ZSWIM5: variants seen among roughly 807,000 people sequenced by gnomAD.
ZSWIM5 encodes the protein zinc finger SWIM domain-containing protein 5.
ZSWIM5 carries 55 observed loss-of-function variants against 119.6 expected under a neutral mutation model. The ratio of observed to expected loss-of-function variants is 0.46; its 90% CI spans 0.37 to 0.58. The LOEUF is 0.58. Among genes scored for constraint, ZSWIM5 ranks in the 20% least tolerant of loss-of-function variants. The pLI is 0.00. For missense variants in ZSWIM5, 1,193 were observed against 1,512.8 expected (o/e 0.79, Z 3.51); for synonymous variants, 537 against 606.9 (o/e 0.88, Z 1.69).
Position 45,088,017 on chromosome 1 carries a change from A to T in ZSWIM5, c.816T>A (p.Leu272=). The T allele has an allele frequency of 6.2e-7, 1 of 1,614,184 alleles. No individual in the cohort carries two copies. The highest frequency in any genetic ancestry group is 8.5e-7 in the Non-Finnish European group (1 of 1,180,022). ...VKLRLPISET[L]FQMNRDQLQK... Reference sequence around the variant, plus strand: ...GTAGCTGGTCCCTATTCATCTGGAAAAGGGTTTCGGAGATAGGAAGACGCA... The same window carrying T: ...GTAGCTGGTCCCTATTCATCTGGAATAGGGTTTCGGAGATAGGAAGACGCA... The change falls in exon 2 of 14, where the codon CTT becomes CTA. Residue 272 remains leucine (L), a synonymous_variant. Transcript: ENST00000359600. The surrounding 1 kb of genome is among the most constrained non-coding windows in gnomAD (Gnocchi z 4.2).
intron 1 of ZSWIM5, among the ~76,000 whole-genome samples, chr1:45,148,439 G>C (rs1438060254): frequency 1.3e-5 from 2 of 151,574 alleles, no homozygotes; most frequent in African/African-American, 2.4e-5. Flanking sequence ...ATGCAAAAAA[G>C]GTCATCAAAA....
chr1:45,155,031 A>G (rs1446621017), intron 1 of ZSWIM5, among the ~76,000 whole-genome samples: 6 of 152,156 alleles, frequency 3.9e-5, no homozygotes, highest in Non-Finnish European at 7.3e-5. Context: ...AAACAAAGAT[A>G]AATAGGTGGA....
rs200430144 is a variant in ZSWIM5 at position 45,181,310 on chromosome 1, G to A, written c.595+24446C>T. On this transcript the variant is annotated intron_variant, in intron 1 of 13. Coordinates refer to ENST00000359600, the MANE Select transcript of ZSWIM5 (RefSeq NM_020883.2). ...ATGCAGAAGCCTCAGGAGCCGATGC[G>A]ATCAACTGGAAGAAAGGGTATCAGT... is the stretch of plus-strand genomic sequence containing the variant. Among the ~76,000 whole-genome samples, 765 of 152,130 alleles carry A rather than the reference G, an allele frequency of 5.0e-3. 43 individuals are homozygous for A. In the East Asian group the frequency reaches 0.1, roughly 20 times the overall value.
At chr1:45,024,921 C>G (rs962000240) in intron 11 of ZSWIM5, among the ~76,000 whole-genome samples, 3 of 152,168 alleles carry the variant, frequency 2.0e-5, no homozygotes, top group Admixed American at 2.0e-4. Context: ...TCCCAAAGTG[C>G]TGGGATTACA....
chr1:45,125,478 T>G (rs1349049000), intron 1 of ZSWIM5, among the ~76,000 whole-genome samples: 2 of 134,970 alleles, frequency 1.5e-5, no homozygotes, highest in Non-Finnish European at 3.3e-5. Context: ...GGAACTGCTT[T>G]ACATCAAAAA....
chr1:45,164,707 GA>G (rs1264580468), intron 1 of ZSWIM5, among the ~76,000 whole-genome samples: 1 of 152,000 alleles, frequency 6.6e-6, no homozygotes, highest in Non-Finnish European at 1.5e-5. Context: ...ACAAAGATCA[GA>G]AGAGACAAAG....
intron 1 of ZSWIM5, among the ~76,000 whole-genome samples, chr1:45,179,526 C>T (rs933147455): frequency 1.3e-4 from 20 of 152,072 alleles, no homozygotes; most frequent in African/African-American, 4.8e-4. Context: ...TTCATTCGTA[C>T]GTACTCCAAA....
chr1:45,027,163 C>T lies in ZSWIM5; in HGVS notation c.2450-6375G>A, dbSNP rs188658743. Among the ~76,000 whole-genome samples the T allele has an allele frequency of 7.7e-3, 1,163 of 151,190 alleles. 7 individuals carry two copies. Among genetic ancestry groups the T allele is most frequent in the Non-Finnish European group, 0.013 (870 of 67,848 alleles). On this transcript the variant is annotated intron_variant, in intron 11 of 13. Coordinates refer to ENST00000359600, the MANE Select transcript of ZSWIM5 (RefSeq NM_020883.2). ...AATTTTATTGATCTTTTCAAAGAAC[C>T]GGTCTTGCTTTTATTGATTTTTGCC... is the stretch of plus-strand genomic sequence containing the variant.
chr1:45,158,660 T>C (rs1234181223), intron 1 of ZSWIM5, among the ~76,000 whole-genome samples: 1 of 152,256 alleles, frequency 6.6e-6, no homozygotes, highest in African/African-American at 2.4e-5. Context: ...TGTGATGATT[T>C]AGACAATGGA....
At chr1:45,161,343 A>T (rs1645862847) in intron 1 of ZSWIM5, among the ~76,000 whole-genome samples, 1 of 152,120 alleles carries the variant, frequency 6.6e-6, no homozygotes. Context: ...TGTTTTCAAT[A>T]GTGGTTGTAC....
At chr1:45,032,806 TA>T (rs748689500) in intron 11 of ZSWIM5, among the ~76,000 whole-genome samples, 19 of 141,702 alleles carry the variant, frequency 1.3e-4, no homozygotes, top group Non-Finnish European at 2.5e-4. Flanking sequence ...TTTTTTTTTT[TA>T]AAGTACTTTA....
intron 1 of ZSWIM5, among the ~76,000 whole-genome samples, chr1:45,125,765 CAA>C (rs77954473): frequency 2.6e-4 from 29 of 111,820 alleles, no homozygotes; most frequent in Admixed American, 3.8e-4. Context: ...CTCCGTTTCA[CAA>C]AAAAAAAAAA....
intron 11 of ZSWIM5, among the ~76,000 whole-genome samples, chr1:45,025,903 T>C (rs1644917817): frequency 6.6e-6 from 1 of 152,228 alleles, no homozygotes; most frequent in African/African-American, 2.4e-5. Flanking sequence ...TTTATTTCCT[T>C]TTCCTATCTT....
chr1:45,140,962 T>C (rs1318338600), intron 1 of ZSWIM5, among the ~76,000 whole-genome samples: 6 of 152,072 alleles, frequency 3.9e-5, no homozygotes, highest in Non-Finnish European at 1.5e-5. Flanking sequence ...AGCCCAGTAG[T>C]GAGTATTGGG....
rs112776705 is a variant in ZSWIM5, at chr1:45,159,651, C to T, written c.595+46105G>A. Among the ~76,000 whole-genome samples, 365 of 152,036 alleles carry T rather than the reference C, an allele frequency of 2.4e-3. 1 individual carries two copies. The highest frequency in any genetic ancestry group is 5.0e-3 in the Admixed American group (76 of 15,250). On this transcript the variant is annotated intron_variant, in intron 1 of 13. Coordinates refer to ENST00000359600, the MANE Select transcript of ZSWIM5 (RefSeq NM_020883.2). Reference sequence around the variant, plus strand: ...TTGGCCAGGCTGGAGTGCAGTGGCACGATCTAGGCTCACTGCAACCTCTGC... The same window carrying T: ...TTGGCCAGGCTGGAGTGCAGTGGCATGATCTAGGCTCACTGCAACCTCTGC...
intron 1 of ZSWIM5, among the ~76,000 whole-genome samples, chr1:45,183,154 T>A (rs1488931524): frequency 2.0e-5 from 3 of 151,244 alleles, no homozygotes; most frequent in African/African-American, 7.3e-5. Flanking sequence ...GACTACTGGG[T>A]ACATAACGAA....
At chr1:45,053,279 G>C (rs1645100881) in intron 4 of ZSWIM5, among the ~76,000 whole-genome samples, 1 of 152,004 alleles carries the variant, frequency 6.6e-6, no homozygotes, top group African/African-American at 2.4e-5. Flanking sequence ...GTAAAAAAGA[G>C]GACCAAAAAA....
chr1:45,195,152 G>A (rs1042830658), intron 1 of ZSWIM5, among the ~76,000 whole-genome samples: 5 of 152,038 alleles, frequency 3.3e-5, no homozygotes, highest in African/African-American at 1.2e-4. Flanking sequence ...ATTTTTATAT[G>A]TACATTCCAT....
At chr1:45,086,881 ATT>A (rs377217727) in intron 2 of ZSWIM5, among the ~76,000 whole-genome samples, 16 of 131,924 alleles carry the variant, frequency 1.2e-4, no homozygotes, top group Admixed American at 3.9e-4. Flanking sequence ...TTCTTCTTAA[ATT>A]TTTTTTTTTT....
Sources: allele counts gnomAD v4.1 joint callset (sites outside exome capture counted in the v4.1 genomes callset), GRCh38; gene constraint gnomAD v4.1.1; non-coding constraint Gnocchi (gnomAD v3.1); transcripts MANE v1.5; gene names NCBI Gene and HGNC (gene_info 2026-07-23, HGNC 2026-07-21).